The following DCDC1 variants were observed in gnomAD, a reference collection of about 807,000 sequenced individuals.
DCDC1 encodes doublecortin domain-containing protein 1.
A neutral mutation model predicts 178.3 loss-of-function variants in DCDC1; 200 were observed. The ratio of observed to expected loss-of-function variants is 1.12; its 90% CI spans 1.00 to 1.26. The LOEUF (loss-of-function observed/expected upper bound fraction) is 1.26. DCDC1 is among the 50% of genes most tolerant of loss of function. The pLI is 0.00. For missense variants in DCDC1, 1,983 were observed against 1,749.2 expected (o/e 1.13, Z -2.38); for synonymous variants, 690 against 604.8 (o/e 1.14, Z -2.07).
chr11:31,103,176 C>T (rs1266940095), intron 14 of DCDC1, among the ~76,000 whole-genome samples: 2 of 152,124 alleles, frequency 1.3e-5, no homozygotes, highest in South Asian at 2.1e-4. Flanking sequence ...CGAGCAGAGA[C>T]GAAGCAAAAT....
chr11:31,203,239 C>A (rs1301098273), intron 9 of DCDC1, among the ~76,000 whole-genome samples: 1 of 152,042 alleles, frequency 6.6e-6, no homozygotes, highest in East Asian at 1.9e-4. Flanking sequence ...ATGAACAAAT[C>A]AATTATTCAT....
intron 33 of DCDC1, among the ~76,000 whole-genome samples, 159 bp downstream of exon 33, chr11:30,900,187 G>A (rs1196454976): frequency 6.6e-6 from 1 of 152,056 alleles, no homozygotes; most frequent in Non-Finnish European, 1.5e-5. Flanking sequence ...AGCTATCCCT[G>A]TGCACATATT....
intron 9 of DCDC1, among the ~76,000 whole-genome samples, chr11:31,157,617 T>C (rs907355905): frequency 2.6e-5 from 4 of 152,000 alleles, no homozygotes; most frequent in Non-Finnish European, 4.4e-5. Flanking sequence ...ATTCGATTTA[T>C]GAGTTATCTA....
At chr11:31,109,729 T>C (rs1397470020) in intron 12 of DCDC1, among the ~76,000 whole-genome samples, 1 of 152,162 alleles carries the variant, frequency 6.6e-6, no homozygotes, top group Non-Finnish European at 1.5e-5. Flanking sequence ...TCAGTGTCCT[T>C]TTATGCAAGA....
intron 9 of DCDC1, among the ~76,000 whole-genome samples, chr11:31,234,737 G>C (rs1976243946): frequency 6.6e-6 from 1 of 152,118 alleles, no homozygotes; most frequent in African/African-American, 2.4e-5. Flanking sequence ...AGGGGGCCCA[G>C]GATGTTGACA....
intron 15 of DCDC1, among the ~76,000 whole-genome samples, chr11:31,099,466 T>C (rs1466921226): frequency 1.3e-5 from 2 of 152,140 alleles, no homozygotes; most frequent in African/African-American, 2.4e-5. Context: ...ACATCCCCAA[T>C]AGAGCCTACC....
At chr11:31,208,977 C>G (rs954110798) in intron 9 of DCDC1, among the ~76,000 whole-genome samples, 1 of 152,168 alleles carries the variant, frequency 6.6e-6, no homozygotes, top group Admixed American at 6.5e-5. Context: ...TACCCCTCAG[C>G]AAGCTCTTTA....
At chr11:31,251,695 G>A (rs181997485) in intron 8 of DCDC1, among the ~76,000 whole-genome samples, 7 of 152,210 alleles carry the variant, frequency 4.6e-5, no homozygotes, top group African/African-American at 1.7e-4. Context: ...CCCTAGATGA[G>A]ATAGGGAAGG....
chr11:30,894,480 C>G, intron 34 of DCDC1, 96 bp from the exon 35 acceptor site: 1 of 1,507,292 alleles, frequency 6.6e-7, no homozygotes, highest in Non-Finnish European at 8.9e-7. Context: ...TCGTTCCACA[C>G]AGGAGCATAA....
intron 15 of DCDC1, among the ~76,000 whole-genome samples, chr11:31,095,015 CT>C (rs1335720980): frequency 2.0e-5 from 3 of 152,070 alleles, no homozygotes; most frequent in Admixed American, 6.6e-5. Flanking sequence ...CATTGTTCAA[CT>C]CCCACTTATG....
At chr11:31,152,180 T>G (rs1965241694) in intron 9 of DCDC1, among the ~76,000 whole-genome samples, 1 of 152,216 alleles carries the variant, frequency 6.6e-6, no homozygotes, top group South Asian at 2.1e-4. Context: ...CAGTGCAAAT[T>G]AGACTTGCGA....
intron 13 of DCDC1, among the ~76,000 whole-genome samples, chr11:31,106,482 C>T (rs1417447005): frequency 6.6e-6 from 1 of 152,132 alleles, no homozygotes; most frequent in Admixed American, 6.5e-5. Context: ...GGGCTTGGGC[C>T]CCCCGTGGCG....
At chr11:30,934,988 T>C (rs757684847) in intron 21 of DCDC1, among the ~76,000 whole-genome samples, 1 of 152,180 alleles carries the variant, frequency 6.6e-6, no homozygotes, top group Non-Finnish European at 1.5e-5. Context: ...CTTGATTAGT[T>C]TGGGAACAAA....
intron 20 of DCDC1, among the ~76,000 whole-genome samples, chr11:30,958,324 G>C (rs968859117): frequency 6.6e-6 from 1 of 152,066 alleles, no homozygotes; most frequent in Non-Finnish European, 1.5e-5. Context: ...TCACAGAAGA[G>C]GTTCTCAACA....
chr11:30,914,606 G>C (rs1331182581), intron 27 of DCDC1, among the ~76,000 whole-genome samples: 4 of 119,258 alleles, frequency 3.4e-5, no homozygotes, highest in Non-Finnish European at 6.8e-5. Flanking sequence ...TTTTTTGTTC[G>C]ATTAAAGAAA....
At chr11:30,943,761 A>G (rs564567993) in intron 21 of DCDC1, 23 of 374,934 alleles carry the variant, frequency 6.1e-5, no homozygotes, top group South Asian at 4.2e-4. Flanking sequence ...ATATCCCTAG[A>G]TATATTAAAT....
chr11:30,929,739 A>G (rs997419668), intron 22 of DCDC1, among the ~76,000 whole-genome samples: 1 of 152,084 alleles, frequency 6.6e-6, no homozygotes, highest in Non-Finnish European at 1.5e-5. Flanking sequence ...TGTAACTTAT[A>G]AAATTTTTCT....
At chr11:31,342,466 G>A (rs903595247) in intron 1 of DCDC1, among the ~76,000 whole-genome samples, 1 of 152,132 alleles carries the variant, frequency 6.6e-6, no homozygotes, top group Admixed American at 6.5e-5. Flanking sequence ...TTGGCACATG[G>A]TAAACATTCA....
At chr11:31,157,372 A>AAAAAAATAT (rs71060478) in intron 9 of DCDC1, among the ~76,000 whole-genome samples, 6 of 96,868 alleles carry the variant, frequency 6.2e-5, no homozygotes, top group East Asian at 3.3e-4. Flanking sequence ...AAAAAAAAAA[A>AAAAAAATAT]ATATATATAT....
Sources: allele counts gnomAD v4.1 joint callset (sites outside exome capture counted in the v4.1 genomes callset), GRCh38; gene constraint gnomAD v4.1.1; transcripts MANE v1.5; gene names NCBI Gene and HGNC (gene_info 2026-07-23, HGNC 2026-07-21).